CNOT4: variants seen among roughly 807,000 people sequenced by gnomAD.
CNOT4 encodes the protein CCR4-associated factor 4.
CNOT4 carries 8 observed loss-of-function variants against 73.8 expected under a neutral mutation model. The observed-to-expected ratio is 0.11, with a 90% CI of 0.06 to 0.20. The LOEUF (loss-of-function observed/expected upper bound fraction) is 0.20, where lower values mean the gene tolerates loss of function less well. CNOT4 is among the 10% of genes least tolerant of loss of function. CNOT4 has a pLI of 1.00. For synonymous variants in CNOT4, 293 were observed against 321.1 expected, an observed-to-expected ratio of 0.91 and a Z score of 0.94; for missense variants, 564 against 883.4, an observed-to-expected ratio of 0.64 and a Z score of 4.58.
chr7:135,411,208 G>A (rs1489541998), intron 6 of CNOT4, among the ~76,000 whole-genome samples: 1 of 151,956 alleles, frequency 6.6e-6, no homozygotes, highest in African/African-American at 2.4e-5. Context: ...GTTATCAAAA[G>A]TAAAATAAAA....
At chr7:135,434,357 C>T (rs1329818051) in intron 2 of CNOT4, among the ~76,000 whole-genome samples, 1 of 152,196 alleles carries the variant, frequency 6.6e-6, no homozygotes, top group Non-Finnish European at 1.5e-5. Context: ...ATTCAGACTC[C>T]AAGACTCTCT....
At chr7:135,406,384 G>C (rs1303328127) in intron 7 of CNOT4, among the ~76,000 whole-genome samples, 2 of 141,336 alleles carry the variant, frequency 1.4e-5, no homozygotes, top group Non-Finnish European at 3.0e-5. Context: ...CTCTGGCCAG[G>C]CACAGTGGCT....
intron 1 of CNOT4, among the ~76,000 whole-genome samples, chr7:135,472,922 T>A (rs1801731099): frequency 6.6e-6 from 1 of 151,750 alleles, no homozygotes. Flanking sequence ...ATGCCTACAG[T>A]CCCAGCTACA....
At chr7:135,365,906 A>C (rs976207843) in intron 10 of CNOT4, among the ~76,000 whole-genome samples, 4 of 152,358 alleles carry the variant, frequency 2.6e-5, no homozygotes, top group South Asian at 4.1e-4. Flanking sequence ...AAGTCCTAGA[A>C]CACTCTCAAT....
At chr7:135,507,990 C>G (rs535162390) in intron 1 of CNOT4, among the ~76,000 whole-genome samples, 15 of 152,282 alleles carry the variant, frequency 9.9e-5, no homozygotes, top group Non-Finnish European at 2.1e-4. Context: ...AACAGCTTTT[C>G]TAACCTTAGT....
At chr7:135,414,833 T>C (rs1797767696) in intron 4 of CNOT4, among the ~76,000 whole-genome samples, 4 of 152,092 alleles carry the variant, frequency 2.6e-5, no homozygotes. Context: ...AACAGCAGCA[T>C]AACAAAGACA....
At chr7:135,377,614 G>T (rs1795592357) in intron 10 of CNOT4, among the ~76,000 whole-genome samples, 1 of 152,094 alleles carries the variant, frequency 6.6e-6, no homozygotes, top group Admixed American at 6.5e-5. Flanking sequence ...AGTCTTAATA[G>T]GAACACATCT....
intron 7 of CNOT4, among the ~76,000 whole-genome samples, chr7:135,400,248 G>A (rs1003692228): frequency 6.6e-6 from 1 of 152,168 alleles, no homozygotes; most frequent in South Asian, 2.1e-4. Flanking sequence ...ATAATGGAAG[G>A]TAAGGACAGA....
chr7:135,495,123 A>G (rs1208628297), intron 1 of CNOT4, among the ~76,000 whole-genome samples: 1 of 152,234 alleles, frequency 6.6e-6, no homozygotes, highest in East Asian at 1.9e-4. Flanking sequence ...ATGGTTAGCA[A>G]GTAGCAGAGC....
chr7:135,373,721 C>A (rs1371634864), intron 10 of CNOT4, among the ~76,000 whole-genome samples: 1 of 151,698 alleles, frequency 6.6e-6, no homozygotes, highest in Non-Finnish European at 1.5e-5. Context: ...GGATTACAGG[C>A]AAGTGCCACC....
rs200693742 is a variant in CNOT4 at position 135,449,825 on chromosome 7, TG to T, written c.-92-11403del. On this transcript the variant is annotated intron_variant, in intron 1 of 11. Coordinates refer to ENST00000541284, the MANE Select transcript of CNOT4 (RefSeq NM_001190850.2). ...AATTTAGTTAGGAATGAGAATATTG[TG>T]GGTTTTTTTTTTTTTAACCTCTTCT... 8.7e-3 allele frequency among the ~76,000 whole-genome samples: 1,095 copies of T among 125,488 alleles called. 6 individuals carry two copies. Among genetic ancestry groups the T allele is most frequent in the Middle Eastern group, 0.03 (8 of 268 alleles). The allele number at this position is 125,488 out of a possible 152,430, so 82.3% of individuals were successfully genotyped here.
intron 1 of CNOT4, among the ~76,000 whole-genome samples, chr7:135,505,629 T>C (rs945548609): frequency 8.5e-5 from 13 of 152,186 alleles, no homozygotes; most frequent in African/African-American, 3.1e-4. Flanking sequence ...ACTCAAACTG[T>C]GTTATACCAT....
In CNOT4 at chr7:135,449,581, A is replaced by G. The variant is rs556842357; in HGVS notation, c.-92-11158T>C. Among the ~76,000 whole-genome samples the G allele has an allele frequency of 1.1e-4, 16 of 152,308 alleles. 1 individual carries two copies. The South Asian group carries it at 2.5e-3, about 24-fold the overall frequency. ...CCATAAAGAAAGAATCCTTCACCCA[A>G]TGGAATAATTAGAGTAACAGCAAGT... On this transcript the variant is annotated intron_variant, in intron 1 of 11. Transcript: ENST00000541284.
rs377125626 is a variant in CNOT4 at position 135,499,534 on chromosome 7, T to G, written c.-93+10355A>C. On this transcript the variant is annotated intron_variant, in intron 1 of 11. Transcript: ENST00000541284. ...AATTTGAGATTAATTCAATTTAATC[T>G]CAAATTTTCGAACAGTTTGGAAAAG... is the stretch of plus-strand genomic sequence containing the variant. 5.3e-5 allele frequency among the ~76,000 whole-genome samples: 8 copies of G among 152,060 alleles called. No homozygotes were observed. The East Asian group carries it at 1.5e-3, about 29-fold the overall frequency.
chr7:135,497,141 C>T (rs1469881757), intron 1 of CNOT4, among the ~76,000 whole-genome samples: 1 of 151,856 alleles, frequency 6.6e-6, no homozygotes, highest in African/African-American at 2.4e-5. Flanking sequence ...GGCATGGTGG[C>T]TCACGCCTAT....
chr7:135,384,988 T>C (rs1370726246), intron 10 of CNOT4, among the ~76,000 whole-genome samples: 5 of 152,232 alleles, frequency 3.3e-5, no homozygotes, highest in Non-Finnish European at 7.3e-5. Flanking sequence ...TGAAGGCCTT[T>C]TCTCAGCTCT....
intron 1 of CNOT4, among the ~76,000 whole-genome samples, chr7:135,477,942 G>A (rs1802098989): frequency 1.3e-5 from 2 of 151,404 alleles, no homozygotes; most frequent in East Asian, 1.9e-4. Context: ...GTACTTCTGT[G>A]TGTAAATATG....
chr7:135,502,015 C>A (rs1174770672), intron 1 of CNOT4, among the ~76,000 whole-genome samples: 4 of 152,128 alleles, frequency 2.6e-5, no homozygotes, highest in Admixed American at 1.3e-4. Flanking sequence ...GCAAGTTCTG[C>A]CCTCTCTGTT....
At chr7:135,430,896 A>G (rs1798788985) in intron 2 of CNOT4, among the ~76,000 whole-genome samples, 1 of 152,224 alleles carries the variant, frequency 6.6e-6, no homozygotes, top group Non-Finnish European at 1.5e-5. Flanking sequence ...GAACAAAGAT[A>G]TCTTTCTTAT....
Sources: gnomAD v4.1 joint callset for allele counts (sites outside exome capture counted in the v4.1 genomes callset) on GRCh38, gnomAD v4.1.1 for gene constraint, MANE v1.5 for transcripts, NCBI Gene and HGNC (gene_info 2026-07-23, HGNC 2026-07-21) for gene names.